PPFIA1: variants seen among roughly 807,000 people sequenced by gnomAD.
PPFIA1 encodes the protein liprin-alpha-1.
A neutral mutation model predicts 149.9 loss-of-function variants in PPFIA1; 25 were observed. The observed-to-expected ratio is 0.17, with a 90% confidence interval of 0.12 to 0.23. The LOEUF (loss-of-function observed/expected upper bound fraction) is 0.23, where lower values mean the gene tolerates loss of function less well. Ranked by LOEUF, PPFIA1 falls within the 10% of genes least tolerant of loss-of-function variation. PPFIA1 has a pLI of 1.00. For missense variants in PPFIA1, 1,362 were observed against 1,506.5 expected, an observed-to-expected ratio of 0.90 and a Z score of 1.59; for synonymous variants, 549 against 552.8, an observed-to-expected ratio of 0.99 and a Z score of 0.10.
At chr11:70,280,167 G>A (rs2050664868) in intron 2 of PPFIA1, among the ~76,000 whole-genome samples, 1 of 151,626 alleles carries the variant, frequency 6.6e-6, no homozygotes, top group Non-Finnish European at 1.5e-5. Context: ...CTCAGTCTCC[G>A]AAAGTGTTGG....
chr11:70,273,866 A>T (rs997841044), intron 2 of PPFIA1, among the ~76,000 whole-genome samples: 5 of 152,226 alleles, frequency 3.3e-5, no homozygotes, highest in African/African-American at 1.2e-4. Context: ...ATTGAAGTGT[A>T]TATCAAATAC....
chr11:70,325,030 G>A lies in PPFIA1; in HGVS notation c.531+19G>A, dbSNP rs1387717081. The A allele has an allele frequency of 1.3e-6, 2 of 1,594,332 alleles. No individual in the cohort carries two copies. The highest frequency in any genetic ancestry group is 2.3e-5 in the South Asian group (2 of 87,820). Reference sequence around the variant, plus strand: ...TGAAAAGGTGCCATCAGCCACATAAGTCTTGGTTTGTGCACATGCTGTGTA... The same window carrying A: ...TGAAAAGGTGCCATCAGCCACATAAATCTTGGTTTGTGCACATGCTGTGTA... On this transcript the variant is annotated intron_variant, in intron 4 of 27. Transcript: ENST00000253925.
intron 2 of PPFIA1, among the ~76,000 whole-genome samples, chr11:70,308,119 G>A (rs938473340): frequency 3.9e-5 from 6 of 152,196 alleles, no homozygotes; most frequent in Admixed American, 2.6e-4. Flanking sequence ...TGCGATCTCG[G>A]CTCACCGCAA....
chr11:70,307,867 A>G (rs2052965313), intron 2 of PPFIA1, among the ~76,000 whole-genome samples: 1 of 152,228 alleles, frequency 6.6e-6, no homozygotes, highest in African/African-American at 2.4e-5. Context: ...TCAGGGCTCC[A>G]GTGAGCCATG....
At position 70,375,070 on chromosome 11, in the gene PPFIA1, C is replaced by A. The variant is rs2135418477; in HGVS notation, c.3292C>A (p.Gln1098Lys). ...FDFSALALLL[Q>K]IPTQNTQARA... ...CTTCAGTGCACTGGCACTGCTGTTA[C>A]AGATCCCGACGCAGAACACACAGGT... Residue 1098 changes from glutamine to lysine, a missense_variant, in exon 24 of 28, where the codon CAG becomes AAG. Coordinates refer to ENST00000253925, the MANE Select transcript of PPFIA1 (RefSeq NM_003626.5). 1 of 1,611,674 alleles carries A rather than the reference C, an allele frequency of 6.2e-7. No homozygotes were observed. The highest frequency in any genetic ancestry group is 1.1e-5 in the South Asian group (1 of 90,684).
In PPFIA1 at chr11:70,354,404, A is replaced by G; in HGVS notation, c.2267A>G (p.Lys756Arg). 1 of 1,614,010 alleles carries G rather than the reference A, an allele frequency of 6.2e-7. No homozygotes were observed. The highest frequency in any genetic ancestry group is 8.5e-7 in the Non-Finnish European group (1 of 1,180,018). ...GCCCTTCGGTTAGACCGGCTGCACA[A>G]AGGGGCGCTGCACACCGTCAGCCAC... ...PRALRLDRLH[K>R]GALHTVSHED... Residue 756 changes from lysine (K) to arginine (R), a missense_variant, in exon 17 of 28, where the codon AAA becomes AGA. Coordinates refer to ENST00000253925, the MANE Select transcript of PPFIA1 (RefSeq NM_003626.5).
At chr11:70,364,737 G>T (rs1251674440) in intron 21 of PPFIA1, 2 of 152,152 alleles carry the variant, frequency 1.3e-5, no homozygotes, top group East Asian at 1.9e-4. Context: ...GAAAATGAAG[G>T]TGCTGAGTGG....
chr11:70,324,407 C>T lies in PPFIA1; in HGVS notation c.270C>T (p.Phe90=), dbSNP rs770312900. The T allele has an allele frequency of 1.1e-5, 17 of 1,603,676 alleles. No homozygotes were observed. The highest frequency in any genetic ancestry group is 2.2e-5 in the East Asian group (1 of 44,752). ...RQLNTALPQE[F]AALTKELNVC... is the part of the protein sequence containing the mutation. ...TTTGTTTTGTGATTTTCTAGGAGTT[C>T]GCAGCACTTACTAAAGAACTCAATG... Residue 90 remains phenylalanine, a synonymous_variant, in exon 3 of 28, where the codon TTC becomes TTT. Coordinates refer to ENST00000253925, the MANE Select transcript of PPFIA1 (RefSeq NM_003626.5).
chr11:70,275,164 A>G (rs79962145), intron 2 of PPFIA1, among the ~76,000 whole-genome samples: 3,831 of 152,240 alleles, frequency 0.025, 59 homozygotes, highest in Non-Finnish European at 0.036. Context: ...GTGGCTCAGT[A>G]TGGTCTGAAT....
intron 21 of PPFIA1, among the ~76,000 whole-genome samples, chr11:70,366,484 C>T (rs1452553117): frequency 6.6e-6 from 1 of 152,202 alleles, no homozygotes; most frequent in Non-Finnish European, 1.5e-5. Flanking sequence ...TTCTTGAGTA[C>T]TGTATATTTG....
At position 70,292,100 on chromosome 11, in the gene PPFIA1, G is replaced by C. The variant is rs562907831; in HGVS notation, c.264+19664G>C. ...GATCCACCCACCTCTGCCTCCCAAA[G>C]TGCTAGGATTACAGGCGTGAGCCAC... On this transcript the variant is annotated intron_variant, in intron 2 of 27. Coordinates refer to ENST00000253925, the MANE Select transcript of PPFIA1 (RefSeq NM_003626.5). Among the ~76,000 whole-genome samples, 24 of 152,206 alleles carry C rather than the reference G, an allele frequency of 1.6e-4. No homozygotes were observed. The South Asian group carries it at 5.0e-3, about 32-fold the overall frequency.
At chr11:70,343,565 T>C in intron 14 of PPFIA1, 104 bp from the exon 15 acceptor site, 2 of 1,015,860 alleles carry the variant, frequency 2.0e-6, no homozygotes, top group Middle Eastern at 2.1e-4. Context: ...CTTTCTAAAA[T>C]CTTTTGGGCT....
chr11:70,352,609 C>T (rs921235602), intron 16 of PPFIA1, among the ~76,000 whole-genome samples: 1 of 152,058 alleles, frequency 6.6e-6, no homozygotes, highest in African/African-American at 2.4e-5. Flanking sequence ...TGTCGCCTTC[C>T]TTCTCTGTGT....
intron 24 of PPFIA1, 112 bp from the exon 25 acceptor site, chr11:70,376,420 C>T (rs766171447): frequency 2.8e-5 from 30 of 1,067,262 alleles, no homozygotes; most frequent in Non-Finnish European, 3.9e-5. Context: ...AGCCACCAGA[C>T]CCAGCCAGCA....
chr11:70,303,170 T>G (rs2136381323), intron 2 of PPFIA1, among the ~76,000 whole-genome samples: 1 of 152,286 alleles, frequency 6.6e-6, no homozygotes, highest in East Asian at 1.9e-4. Flanking sequence ...TCTTTCAGCA[T>G]TGCACTGTGG....
intron 19 of PPFIA1, among the ~76,000 whole-genome samples, chr11:70,359,261 G>C (rs1406008395): frequency 6.6e-6 from 1 of 152,114 alleles, no homozygotes; most frequent in African/African-American, 2.4e-5. Flanking sequence ...TGATCTTCCT[G>C]CCTCTGCCTC....
chr11:70,324,929 C>G lies in PPFIA1; in HGVS notation c.449C>G (p.Ser150Cys), dbSNP rs779894257. 4 of 1,614,068 alleles carry G rather than the reference C, an allele frequency of 2.5e-6. No individual in the cohort carries two copies. The South Asian group carries it at 4.4e-5, about 18-fold the overall frequency. The change falls in exon 4 of 28, where the codon TCT becomes TGT. Residue 150 changes from serine to cysteine, a missense_variant. Ser to Cys is a moderately radical substitution (Grantham distance 112, BLOSUM62 -1). Around this residue, in one of 7 missense-constraint regions of PPFIA1, gnomAD observed 79 missense variants for 146.2 expected, o/e 0.54. Transcript: ENST00000253925. ...ACCGTGGTGAAGAGACAAGCGCAGT[C>G]TCCAGCAGGCGTGTCCAGCGAAGTG... ...RMTVVKRQAQ[S>C]PAGVSSEVEV...
intron 4 of PPFIA1, 44 bp from the exon 5 acceptor site, chr11:70,325,452 TAAAC>T: frequency 2.4e-6 from 3 of 1,255,832 alleles, no homozygotes; most frequent in Non-Finnish European, 3.4e-6. Context: ...AAGAATAAAA[TAAAC>T]AGTATACACA....
chr11:70,347,481 G>A (rs1373581740), intron 15 of PPFIA1, among the ~76,000 whole-genome samples: 6 of 152,136 alleles, frequency 3.9e-5, no homozygotes, highest in Admixed American at 1.3e-4. Flanking sequence ...GTTGGAGGAT[G>A]TCTTGAAGTC....
Sources: gnomAD v4.1 joint callset for allele counts (sites outside exome capture counted in the v4.1 genomes callset) on GRCh38, gnomAD v4.1.1 for gene constraint, gnomAD v4.1.1 regional missense constraint, MANE v1.5 for transcripts, NCBI Gene and HGNC (gene_info 2026-07-23, HGNC 2026-07-21) for gene names.